CDC42EP3: variants seen among roughly 807,000 people sequenced by gnomAD.
The protein encoded by CDC42EP3 is CDC42 effector protein 3, also known as CDC42 effector protein (Rho GTPase binding) 3.
A neutral mutation model predicts 15.5 loss-of-function variants in CDC42EP3; 4 were observed. The observed-to-expected ratio is 0.26, with a 90% CI of 0.13 to 0.59. The LOEUF is 0.59. Among genes scored for constraint, CDC42EP3 ranks in the 20% least tolerant of loss-of-function variants. The pLI is 0.89. For missense variants in CDC42EP3, 309 were observed against 311.2 expected (o/e 0.99, Z 0.05); for synonymous variants, 145 against 130.3 (o/e 1.11, Z -0.77).
At chr2:37,657,479 C>A (rs957274969) in intron 1 of CDC42EP3, among the ~76,000 whole-genome samples, 1 of 152,144 alleles carries the variant, frequency 6.6e-6, no homozygotes, top group African/African-American at 2.4e-5. Flanking sequence ...CATGAGTGTT[C>A]CTGTTGGGAA....
intron 1 of CDC42EP3, among the ~76,000 whole-genome samples, chr2:37,663,629 T>A (rs574161013): frequency 1.3e-5 from 2 of 152,310 alleles, no homozygotes; most frequent in South Asian, 4.1e-4. Flanking sequence ...CTGGGGTGAC[T>A]CCCCTTGCAT....
chr2:37,665,688 C>T (rs544788901), intron 1 of CDC42EP3, among the ~76,000 whole-genome samples: 4 of 152,330 alleles, frequency 2.6e-5, no homozygotes, highest in African/African-American at 9.6e-5. Flanking sequence ...CAGAACATGA[C>T]GGATTCCCAA....
intron 1 of CDC42EP3, among the ~76,000 whole-genome samples, chr2:37,659,112 C>T (rs6755123): frequency 0.024 from 3,629 of 152,256 alleles, 105 homozygotes; most frequent in African/African-American, 0.068. Context: ...TGGATTATTA[C>T]CACTACTTAT....
intron 1 of CDC42EP3, among the ~76,000 whole-genome samples, chr2:37,671,101 C>T (rs1160103573): frequency 6.6e-6 from 1 of 152,202 alleles, no homozygotes; most frequent in Admixed American, 6.5e-5. Flanking sequence ...GGCTTGTTCT[C>T]AGATGGAAAA....
Position 37,645,369 on chromosome 2 carries a change from T to C in CDC42EP3, c.*454A>G, listed in dbSNP as rs1171382927. On this transcript the variant is annotated 3_prime_UTR_variant, in exon 2 of 2. Coordinates refer to ENST00000295324, the MANE Select transcript of CDC42EP3 (RefSeq NM_006449.5). ...AGTTTTAACACTGGAGAATTCGCTA[T>C]GGTGAGCCTAAGCAATATATAGAAA... is the stretch of plus-strand genomic sequence containing the variant. 6.5e-6 allele frequency: 1 copy of C among 153,098 alleles called. No homozygotes were observed. The highest frequency in any genetic ancestry group is 6.5e-5 in the Admixed American group (1 of 15,304). 9.5% of individuals were successfully genotyped at this position (153,098 alleles called of 1,614,324 possible).
At chr2:37,670,041 C>G (rs1245025354) in intron 1 of CDC42EP3, among the ~76,000 whole-genome samples, 3 of 152,066 alleles carry the variant, frequency 2.0e-5, no homozygotes. Context: ...CTGGAACTGT[C>G]CAGAAAAGAA....
chr2:37,659,650 A>G (rs1665992691), intron 1 of CDC42EP3, among the ~76,000 whole-genome samples: 1 of 152,214 alleles, frequency 6.6e-6, no homozygotes, highest in South Asian at 2.1e-4. Flanking sequence ...CTTAAATCAA[A>G]CTTAAAGAAT....
chr2:37,659,502 T>C (rs1298321960), intron 1 of CDC42EP3, among the ~76,000 whole-genome samples: 1 of 152,238 alleles, frequency 6.6e-6, no homozygotes, highest in African/African-American at 2.4e-5. Flanking sequence ...ATATAGATCT[T>C]AAGGCAAATA....
chr2:37,647,790 C>T (rs1476093050), intron 1 of CDC42EP3: 1 of 152,290 alleles, frequency 6.6e-6, no homozygotes, highest in African/African-American at 2.4e-5. Flanking sequence ...GGAGAAGACT[C>T]CCTGACTCCC....
chr2:37,671,978 C>T (rs976557478), upstream of CDC42EP3: 2 of 152,210 alleles, frequency 1.3e-5, no homozygotes, highest in Non-Finnish European at 2.9e-5. Context: ...AAGAGGGACC[C>T]GGAGGTGCTG....
chr2:37,663,168 CAAAAACAAAACAAAA>C (rs1666130888), intron 1 of CDC42EP3, among the ~76,000 whole-genome samples: 1 of 148,844 alleles, frequency 6.7e-6, no homozygotes, highest in South Asian at 2.1e-4. Context: ...AACTCGGTCT[CAAAAACAAAACAAAA>C]CAAAACAAAA....
Position 37,645,770 on chromosome 2 carries a change from TG to T in CDC42EP3, c.*52del. On this transcript the variant is annotated 3_prime_UTR_variant, in exon 2 of 2. Transcript: ENST00000295324. ...CTCCGGAAGCCCTTCTCTTCAACTG[TG>T]GTTAGTTTGTTTTTGTACCTTTTAC... 2 of 1,372,048 alleles carry T rather than the reference TG, an allele frequency of 1.5e-6. No homozygotes were observed. The highest frequency in any genetic ancestry group is 2.0e-6 in the Non-Finnish European group (2 of 1,016,540). 85.0% of individuals were successfully genotyped at this position (1,372,048 alleles called of 1,614,324 possible). A position where few individuals can be genotyped will look rare whatever the true frequency, so the allele number is the denominator to read the frequency against.
intron 1 of CDC42EP3, among the ~76,000 whole-genome samples, chr2:37,658,166 A>G (rs545763399): frequency 2.0e-5 from 3 of 152,288 alleles, no homozygotes; most frequent in East Asian, 3.9e-4. Flanking sequence ...CCAAGTCAGT[A>G]CCTTCAACCC....
In CDC42EP3 at chr2:37,642,322, T is replaced by C. The variant is rs1665294781; in HGVS notation, c.*3501A>G. On this transcript the variant is annotated 3_prime_UTR_variant, in exon 2 of 2. Coordinates refer to ENST00000295324, the MANE Select transcript of CDC42EP3 (RefSeq NM_006449.5). Reference sequence around the variant, plus strand: ...GGTATTCTGGCCTTCCTGAATCTCATACAGCCAAACCAACCAGAAGGCTTC... The same window carrying C: ...GGTATTCTGGCCTTCCTGAATCTCACACAGCCAAACCAACCAGAAGGCTTC... The C allele has an allele frequency of 6.6e-6, 1 of 152,230 alleles. No individual in the cohort carries two copies. The highest frequency in any genetic ancestry group is 1.5e-5 in the Non-Finnish European group (1 of 68,044). 9.4% of individuals were successfully genotyped at this position (152,230 alleles called of 1,614,324 possible).
chr2:37,654,069 C>T (rs966843084), intron 1 of CDC42EP3, among the ~76,000 whole-genome samples: 2 of 152,150 alleles, frequency 1.3e-5, no homozygotes, highest in South Asian at 2.1e-4. Flanking sequence ...GAGTATCCAG[C>T]GACTCCTCCT....
intron 1 of CDC42EP3, among the ~76,000 whole-genome samples, chr2:37,660,450 T>C (rs993936015): frequency 6.6e-6 from 1 of 152,246 alleles, no homozygotes; most frequent in African/African-American, 2.4e-5. Context: ...CGTCCCGGAG[T>C]TGGGAAAATT....
At chr2:37,657,702 T>G (rs1043138344) in intron 1 of CDC42EP3, among the ~76,000 whole-genome samples, 8 of 152,228 alleles carry the variant, frequency 5.3e-5, no homozygotes, top group African/African-American at 1.9e-4. Flanking sequence ...CCTATTCATT[T>G]ATGTACTGTC....
At chr2:37,671,666 G>C (rs1351970773), upstream of CDC42EP3, 6 of 151,544 alleles carry the variant, frequency 4.0e-5, no homozygotes, top group Non-Finnish European at 8.9e-5. Context: ...CCGGACGCGA[G>C]GACTGAACCT....
At chr2:37,666,426 G>C (rs1385281194) in intron 1 of CDC42EP3, among the ~76,000 whole-genome samples, 1 of 152,168 alleles carries the variant, frequency 6.6e-6, no homozygotes, top group Non-Finnish European at 1.5e-5. Flanking sequence ...TTACCTAATT[G>C]CAGGTGTGTG....
Sources: gnomAD v4.1 joint callset for allele counts (sites outside exome capture counted in the v4.1 genomes callset) on GRCh38, gnomAD v4.1.1 for gene constraint, MANE v1.5 for transcripts, NCBI Gene and HGNC (gene_info 2026-07-23, HGNC 2026-07-21) for gene names.